Variants in UNC13C observed in about 807,000 individuals in gnomAD.
UNC13C encodes protein unc-13 homolog C.
UNC13C carries 174 observed loss-of-function variants against 245.4 expected under a neutral mutation model. The observed-to-expected ratio is 0.71, with a 90% CI of 0.63 to 0.80. UNC13C has a LOEUF of 0.80. UNC13C is among the 30% of genes least tolerant of loss of function. UNC13C has a pLI of 0.00. For synonymous variants in UNC13C, 992 were observed against 895.1 expected, an observed-to-expected ratio of 1.11 and a Z score of -1.93; for missense variants, 2,829 against 2,602.9, an observed-to-expected ratio of 1.09 and a Z score of -1.89.
intron 19 of UNC13C, among the ~76,000 whole-genome samples, chr15:54,452,008 G>T (rs1170038000): frequency 6.6e-6 from 1 of 152,296 alleles, no homozygotes; most frequent in East Asian, 1.9e-4. Flanking sequence ...TGTATTATTT[G>T]TATCATTTAT....
chr15:54,467,224 A>G (rs1436010332), intron 19 of UNC13C, among the ~76,000 whole-genome samples: 1 of 151,832 alleles, frequency 6.6e-6, no homozygotes, highest in East Asian at 1.9e-4. Flanking sequence ...AAATAACTCA[A>G]GAAGAATTTT....
intron 19 of UNC13C, among the ~76,000 whole-genome samples, chr15:54,448,379 A>C (rs561175627): frequency 1.3e-5 from 2 of 152,188 alleles, no homozygotes; most frequent in Admixed American, 1.3e-4. Flanking sequence ...TGGGGTGTTA[A>C]AGTTTCCCAT....
intron 20 of UNC13C, among the ~76,000 whole-genome samples, chr15:54,499,535 A>G (rs778683227): frequency 7.9e-5 from 12 of 152,242 alleles, no homozygotes; most frequent in Admixed American, 5.9e-4. Flanking sequence ...GGGGGAATAA[A>G]GGGTGTTCTA....
intron 1 of UNC13C, among the ~76,000 whole-genome samples, chr15:54,003,875 G>A (rs1013501876): frequency 6.6e-6 from 1 of 152,078 alleles, no homozygotes; most frequent in Non-Finnish European, 1.5e-5. Context: ...CATTGGCATG[G>A]TGGCAGGCAC....
At chr15:54,056,920 C>G (rs978916517) in intron 2 of UNC13C, among the ~76,000 whole-genome samples, 1 of 152,064 alleles carries the variant, frequency 6.6e-6, no homozygotes, top group African/African-American at 2.4e-5. Flanking sequence ...TGAGAGATTT[C>G]GTCACCACCA....
At chr15:54,265,654 C>T (rs970777932) in intron 10 of UNC13C, among the ~76,000 whole-genome samples, 158 bp downstream of exon 10, 3 of 151,916 alleles carry the variant, frequency 2.0e-5, no homozygotes, top group Non-Finnish European at 4.4e-5. Context: ...CTTCAATACT[C>T]TCATAATATT....
At chr15:54,060,481 A>G (rs538449740) in intron 2 of UNC13C, among the ~76,000 whole-genome samples, 16 of 152,352 alleles carry the variant, frequency 1.1e-4, no homozygotes, top group African/African-American at 3.8e-4. Context: ...GGTGCTGGAG[A>G]GGATGTGGAG....
intron 19 of UNC13C, among the ~76,000 whole-genome samples, chr15:54,455,439 G>T (rs118163822): frequency 2.0e-5 from 3 of 149,844 alleles, no homozygotes; most frequent in Middle Eastern, 3.6e-3. Context: ...TCTCCATACT[G>T]TGTTTCCACA....
intron 2 of UNC13C, among the ~76,000 whole-genome samples, chr15:54,134,197 C>G (rs1185786686): frequency 6.6e-6 from 1 of 151,614 alleles, no homozygotes; most frequent in East Asian, 1.9e-4. Flanking sequence ...AAAGTTTGTA[C>G]ACTTTGACCA....
At chr15:54,100,322 C>G (rs1379986915) in intron 2 of UNC13C, among the ~76,000 whole-genome samples, 5 of 152,120 alleles carry the variant, frequency 3.3e-5, no homozygotes, top group Admixed American at 6.5e-5. Context: ...ACTGTCAAAT[C>G]TCATTTTCAC....
chr15:54,122,959 T>C (rs4776207), intron 2 of UNC13C, among the ~76,000 whole-genome samples: 31,947 of 151,982 alleles, frequency 0.21, 4,203 homozygotes, highest in Non-Finnish European at 0.28. Context: ...TTAATTTTTC[T>C]TTCTAGTAGT....
chr15:54,366,619 A>G (rs925600048), intron 17 of UNC13C, among the ~76,000 whole-genome samples: 1 of 152,146 alleles, frequency 6.6e-6, no homozygotes, highest in Non-Finnish European at 1.5e-5. Flanking sequence ...TTTTTAGAAA[A>G]TAATTAACTC....
At chr15:54,211,902 C>G (rs2034891206) in intron 4 of UNC13C, among the ~76,000 whole-genome samples, 1 of 152,062 alleles carries the variant, frequency 6.6e-6, no homozygotes, top group Non-Finnish European at 1.5e-5. Flanking sequence ...AAAGTCTTCT[C>G]CTCCCTCTTA....
At chr15:54,320,999 A>ACCAAAGCCACACAGTCACTAACGTTTCCT in intron 13 of UNC13C, 1 of 430,048 alleles carries the variant, frequency 2.3e-6, no homozygotes, top group South Asian at 1.8e-5. Flanking sequence ...CACAGCTGCC[A>ACCAAAGCCACACAGTCACTAACGTTTCCT]CCAAAGCCAC....
rs1453745633 is a variant in UNC13C, at chr15:54,013,089, T to C, written c.186T>C (p.Thr62=). ...AATTTTCTTACACTTTTAAAAGCAC[T>C]GTAAAGAAGATTGCAAAGTGTTCAT... ...SPKFSYTFKS[T]VKKIAKCSST... The change falls in exon 2 of 33, where the codon ACT becomes ACC. Residue 62 remains threonine, a synonymous_variant. Transcript: ENST00000260323. 6.2e-7 allele frequency: 1 copy of C among 1,613,920 alleles called. No homozygotes were observed. Among genetic ancestry groups the C allele is most frequent in the Admixed American group, 1.7e-5 (1 of 59,990 alleles).
At chr15:54,298,536 CAT>C (rs907455140) in intron 12 of UNC13C, among the ~76,000 whole-genome samples, 10 of 152,156 alleles carry the variant, frequency 6.6e-5, no homozygotes, top group African/African-American at 1.9e-4. Flanking sequence ...TTTCTACAAA[CAT>C]GTGAGTATGG....
At chr15:54,114,202 C>A (rs12443012) in intron 2 of UNC13C, among the ~76,000 whole-genome samples, 148,505 of 152,302 alleles carry the variant, frequency 0.98, 72,524 homozygotes, top group East Asian at 1. Context: ...TTAAGGACAC[C>A]CTATGATCCC....
At chr15:54,555,306 A>G in intron 28 of UNC13C, 126 bp from the exon 29 acceptor site, 4 of 682,386 alleles carry the variant, frequency 5.9e-6, no homozygotes, top group East Asian at 5.7e-5. Context: ...TTTTAAATGC[A>G]TTCAGGTGCA....
At chr15:54,044,786 C>G (rs902582481) in intron 2 of UNC13C, among the ~76,000 whole-genome samples, 1 of 152,110 alleles carries the variant, frequency 6.6e-6, no homozygotes, top group East Asian at 1.9e-4. Flanking sequence ...TATCCATCAT[C>G]TCGTGTAGCT....
Sources: gnomAD v4.1 joint callset for allele counts (sites outside exome capture counted in the v4.1 genomes callset) on GRCh38, gnomAD v4.1.1 for gene constraint, MANE v1.5 for transcripts, NCBI Gene and HGNC (gene_info 2026-07-23, HGNC 2026-07-21) for gene names.